Variants in RPA2 observed in about 807,000 individuals in gnomAD.
RPA2 encodes the protein replication protein A 32 kDa subunit.
In RPA2, 22 loss-of-function variants were observed where a neutral mutation model predicts 33.4. The ratio of observed to expected loss-of-function variants is 0.66; its 90% CI spans 0.47 to 0.94. RPA2 has a LOEUF of 0.94. RPA2 is among the 40% of genes least tolerant of loss of function. The probability of loss-of-function intolerance (pLI) is 0.00; values close to 1 mark genes in which losing one functional copy is unlikely to be tolerated. For synonymous variants in RPA2, 109 were observed against 114.9 expected (o/e 0.95, Z 0.33); for missense variants, 279 against 329.9 (o/e 0.85, Z 1.19).
chr1:27,902,123 G>T (rs2089975260), intron 4 of RPA2, among the ~76,000 whole-genome samples: 1 of 151,920 alleles, frequency 6.6e-6, no homozygotes, highest in South Asian at 2.1e-4. Context: ...ATATTGCTCT[G>T]ATGCCCAGGC....
At chr1:27,898,752 T>A (rs895816584) in intron 4 of RPA2, among the ~76,000 whole-genome samples, 2 of 151,744 alleles carry the variant, frequency 1.3e-5, no homozygotes, top group African/African-American at 2.4e-5. Flanking sequence ...AGAGACGGGG[T>A]TTCCCCATGT....
intron 2 of RPA2, among the ~76,000 whole-genome samples, chr1:27,908,591 G>A (rs749598769): frequency 1.3e-5 from 2 of 151,978 alleles, no homozygotes; most frequent in South Asian, 4.1e-4. Context: ...AATCTCCTGG[G>A]TTCAAGCAAT....
intron 4 of RPA2, among the ~76,000 whole-genome samples, chr1:27,904,687 A>G (rs1444244511): frequency 2.0e-5 from 3 of 151,966 alleles, no homozygotes; most frequent in Non-Finnish European, 4.4e-5. Flanking sequence ...TGTTGCCCAG[A>G]GCAACAGAGC....
intron 2 of RPA2, among the ~76,000 whole-genome samples, chr1:27,908,290 T>TA (rs1482851821): frequency 6.6e-6 from 1 of 151,812 alleles, no homozygotes; most frequent in African/African-American, 2.4e-5. Context: ...TCCAGTCAAT[T>TA]AAAAAAACAT....
At chr1:27,895,737 A>T (rs2148652289) in intron 6 of RPA2, among the ~76,000 whole-genome samples, 1 of 152,318 alleles carries the variant, frequency 6.6e-6, no homozygotes, top group East Asian at 1.9e-4. Flanking sequence ...TCTCAAAAAA[A>T]ACAAAAACAA....
chr1:27,914,054 T>G lies in RPA2; in HGVS notation c.117+9A>C, dbSNP rs1047097265. 1 of 1,578,866 alleles carries G rather than the reference T, an allele frequency of 6.3e-7. No individual in the cohort carries two copies. Among genetic ancestry groups the G allele is most frequent in the African/African-American group, 1.4e-5 (1 of 73,356 alleles). On this transcript the variant is annotated intron_variant, in intron 2 of 8. Transcript: ENST00000373912. ...GATAAAACAAAACTAAATACTCCTT[T>G]CAACCTACTGATTTCTTTTCGGCTT... is the stretch of plus-strand genomic sequence containing the variant.
In RPA2 at chr1:27,897,079, C is replaced by A. The variant is rs758120826; in HGVS notation, c.451G>T (p.Asp151Tyr). The part of the protein sequence containing the change: ...LVAFKIMPLE[D>Y]MNEFTTHILE... ...ATATGTGTGGTGAACTCATTCATAT[C>A]CTCCAGGGGCATGATCTTAAAGGCT... The change falls in exon 6 of 9, where the codon GAT (aspartate) becomes TAT (tyrosine). Residue 151 changes from aspartate (D) to tyrosine (Y), a missense_variant. Asp to Tyr is a radical substitution (Grantham distance 160). Transcript: ENST00000373912. 1 of 1,613,994 alleles carries A rather than the reference C, an allele frequency of 6.2e-7. No individual in the cohort carries two copies. Among genetic ancestry groups the A allele is most frequent in the African/African-American group, 1.3e-5 (1 of 75,030 alleles).
intron 2 of RPA2, among the ~76,000 whole-genome samples, chr1:27,911,032 G>A (rs1274360749): frequency 2.0e-5 from 3 of 151,298 alleles, no homozygotes; most frequent in Non-Finnish European, 2.9e-5. Context: ...CCTGACCAAC[G>A]TGGCAAAACC....
chr1:27,910,018 T>C (rs1008357873), intron 2 of RPA2, among the ~76,000 whole-genome samples: 12 of 152,204 alleles, frequency 7.9e-5, no homozygotes, highest in African/African-American at 2.9e-4. Context: ...GTCTTAAAAT[T>C]TGCAGGGGTC....
intron 2 of RPA2, 103 bp from the exon 3 acceptor site, chr1:27,907,385 T>C (rs2090043156): frequency 1.1e-6 from 1 of 907,208 alleles, no homozygotes; most frequent in African/African-American, 1.7e-5. Flanking sequence ...GAACATTGAA[T>C]TTCAAAACAA....
In RPA2 at chr1:27,905,893, C is replaced by T. The variant is rs2090022341; in HGVS notation, c.333+1035G>A. Among the ~76,000 whole-genome samples, 3 of 151,592 alleles carry T rather than the reference C, an allele frequency of 2.0e-5. No homozygotes were observed. In the South Asian group the frequency reaches 6.3e-4, roughly 32 times the overall value. Reference sequence around the variant, plus strand: ...CCGCCCACCTCGGCCTCCCAAAGTGCTGGGATTACAGGCGTGAGCCACCAT... The same window carrying T: ...CCGCCCACCTCGGCCTCCCAAAGTGTTGGGATTACAGGCGTGAGCCACCAT... On this transcript the variant is annotated intron_variant, in intron 4 of 8. Coordinates refer to ENST00000373912, the MANE Select transcript of RPA2 (RefSeq NM_002946.5).
intron 1 of RPA2, 26 bp downstream of exon 1, chr1:27,914,408 C>T (rs778957960): frequency 5.0e-5 from 81 of 1,611,806 alleles, no homozygotes; most frequent in Non-Finnish European, 6.7e-5. Flanking sequence ...TTCTCTTCCT[C>T]CTCCACCCCG....
chr1:27,897,454 AATTTC>A (rs2089907151), intron 5 of RPA2, among the ~76,000 whole-genome samples, 174 bp downstream of exon 5: 1 of 147,462 alleles, frequency 6.8e-6, no homozygotes, highest in African/African-American at 2.6e-5. Context: ...CCATTCTGTT[AATTTC>A]ATGTTAAGGT....
In RPA2 at chr1:27,914,141, T is replaced by C; in HGVS notation, c.39A>G (p.Ser13=). 1.2e-6 allele frequency: 2 copies of C among 1,613,686 alleles called. No individual in the cohort carries two copies. Among genetic ancestry groups the C allele is most frequent in the Non-Finnish European group, 1.7e-6 (2 of 1,179,880 alleles). ...NSGFESYGSS[S]YGGAGGYTQS... ...GCGTGTAGCCGCCGGCTCCCCCGTATGAGGAGCTGCCATAGCTTTCGAATC... is the reference window on the plus strand; with the variant it reads ...GCGTGTAGCCGCCGGCTCCCCCGTACGAGGAGCTGCCATAGCTTTCGAATC... Residue 13 remains serine (S), a synonymous_variant, in exon 2 of 9, where the codon TCA becomes TCG. Coordinates refer to ENST00000373912, the MANE Select transcript of RPA2 (RefSeq NM_002946.5).
chr1:27,893,586 C>T (rs930473530), intron 8 of RPA2, among the ~76,000 whole-genome samples: 7 of 152,174 alleles, frequency 4.6e-5, no homozygotes, highest in African/African-American at 1.4e-4. Context: ...GCTAGGACTA[C>T]AGGCATGAGC....
chr1:27,897,541 C>T, intron 5 of RPA2, 92 bp downstream of exon 5: 2 of 806,654 alleles, frequency 2.5e-6, no homozygotes, highest in Non-Finnish European at 3.8e-6. Context: ...AACAGGGAGA[C>T]TTAAGTATTT....
intron 2 of RPA2, among the ~76,000 whole-genome samples, chr1:27,908,345 G>A (rs2090056766): frequency 6.6e-6 from 1 of 151,906 alleles, no homozygotes; most frequent in East Asian, 1.9e-4. Flanking sequence ...GCCCAGGCTG[G>A]TCTTAAACTC....
In RPA2 at chr1:27,914,082, G is replaced by A. The variant is rs149249571; in HGVS notation, c.98C>T (p.Ser33Phe). Residue 33 changes from serine (S) to phenylalanine (F), a missense_variant, in exon 2 of 9, where the codon TCT becomes TTT. By Grantham distance (155) the Ser-to-Phe change is radical. This residue lies in a region of RPA2 where 274 missense variants were observed against 310.3 expected (regional missense o/e 0.88). Transcript: ENST00000373912. ...SPGGFGSPAP[S>F]QAEKKSRARA... Reference sequence around the variant, plus strand: ...ACCTACTGATTTCTTTTCGGCTTGAGAAGGTGCGGGCGATCCAAAGCCCCC... The same window carrying A: ...ACCTACTGATTTCTTTTCGGCTTGAAAAGGTGCGGGCGATCCAAAGCCCCC... The A allele has an allele frequency of 4.1e-4, 664 of 1,600,050 alleles. 1 individual carries two copies. The highest frequency in any genetic ancestry group is 3.5e-4 in the Non-Finnish European group (412 of 1,174,194).
chr1:27,912,322 T>C (rs1207677038), intron 2 of RPA2, among the ~76,000 whole-genome samples: 2 of 151,718 alleles, frequency 1.3e-5, no homozygotes, highest in South Asian at 2.1e-4. Context: ...GGTGGGTGGA[T>C]TGCTTGAGGC....
Sources: gnomAD v4.1 joint callset for allele counts (sites outside exome capture counted in the v4.1 genomes callset) on GRCh38, gnomAD v4.1.1 for gene constraint, gnomAD v4.1.1 regional missense constraint, MANE v1.5 for transcripts, NCBI Gene and HGNC (gene_info 2026-07-23, HGNC 2026-07-21) for gene names.